RUNX1: variants seen among roughly 807,000 people sequenced by gnomAD.
RUNX1 encodes the protein RUNX family transcription factor 1.
A neutral mutation model predicts 42.8 loss-of-function variants in RUNX1; 19 were observed. That is an observed-to-expected ratio of 0.44 (90% CI 0.31 to 0.65). The LOEUF (loss-of-function observed/expected upper bound fraction) is 0.65, where lower values mean the gene tolerates loss of function less well. Among genes scored for constraint, RUNX1 ranks in the 30% least tolerant of loss-of-function variants. The pLI, the probability that RUNX1 is intolerant of heterozygous loss-of-function variation, is 0.07. For synonymous variants in RUNX1, 271 were observed against 289.4 expected (o/e 0.94, Z 0.64); for missense variants, 528 against 672.0 (o/e 0.79, Z 2.37).
At chr21:34,858,326 T>G (rs978854866) in intron 6 of RUNX1, among the ~76,000 whole-genome samples, 1 of 152,182 alleles carries the variant, frequency 6.6e-6, no homozygotes, top group African/African-American at 2.4e-5. Flanking sequence ...TAGAGGGGAC[T>G]GGAGCAGTAG....
In RUNX1 at chr21:34,791,725, T is replaced by C; in HGVS notation, c.*410A>G. The C allele has an allele frequency of 4.3e-6, 1 of 230,178 alleles. No homozygotes were observed. Among genetic ancestry groups the C allele is most frequent in the East Asian group, 6.2e-5 (1 of 16,224 alleles). 14.3% of individuals were successfully genotyped at this position (230,178 alleles called of 1,614,324 possible). A position where few individuals can be genotyped will look rare whatever the true frequency, so the allele number is the denominator to read the frequency against. The stretch of plus-strand genomic sequence containing the variant: ...ACCCCAACCAAAATTCCACACTCTT[T>C]GGAATAAACAACTTGGTTAAAAAGT... On this transcript the variant is annotated 3_prime_UTR_variant, in exon 9 of 9. Transcript: ENST00000675419.
intron 5 of RUNX1, among the ~76,000 whole-genome samples, chr21:34,862,309 G>A (rs2057588604): frequency 6.6e-6 from 1 of 152,194 alleles, no homozygotes; most frequent in Non-Finnish European, 1.5e-5. Context: ...GGCCTGAGAT[G>A]CCCATAGCCA....
rs1019895924 is a variant in RUNX1 at position 34,959,106 on chromosome 21, C to T, written c.59-66143G>A. Reference sequence around the variant, plus strand: ...AGGAGATATACCTAATGCTAAATGACGAGTTAATGGGTGCAGCACACCAGC... The same window carrying T: ...AGGAGATATACCTAATGCTAAATGATGAGTTAATGGGTGCAGCACACCAGC... On this transcript the variant is annotated intron_variant, in intron 2 of 8. Transcript: ENST00000675419. Among the ~76,000 whole-genome samples the T allele has an allele frequency of 5.3e-5, 8 of 151,210 alleles. No individual in the cohort carries two copies. The East Asian group carries it at 9.7e-4, about 18-fold the overall frequency.
chr21:34,967,839 G>T (rs571896384), intron 2 of RUNX1, among the ~76,000 whole-genome samples: 1 of 152,310 alleles, frequency 6.6e-6, no homozygotes, highest in African/African-American at 2.4e-5. Flanking sequence ...CGAAGGGAGT[G>T]GCAATTCATA....
intron 2 of RUNX1, among the ~76,000 whole-genome samples, chr21:34,927,291 C>A (rs1202199134): frequency 1.3e-5 from 2 of 152,138 alleles, no homozygotes; most frequent in Admixed American, 1.3e-4. Flanking sequence ...TTGCCACACT[C>A]CACGTAACAC....
intron 2 of RUNX1, among the ~76,000 whole-genome samples, chr21:35,036,023 C>A (rs1662897801): frequency 6.6e-6 from 1 of 152,130 alleles, no homozygotes; most frequent in African/African-American, 2.4e-5. Context: ...TCAGGAAGAA[C>A]CCAAGTTGGG....
chr21:34,911,160 G>T (rs190345285), intron 2 of RUNX1, among the ~76,000 whole-genome samples: 2 of 152,292 alleles, frequency 1.3e-5, no homozygotes, highest in Admixed American at 6.5e-5. Context: ...GTGGGAAGGG[G>T]TCTCTTCCTG....
intron 3 of RUNX1, 153 bp from the exon 4 acceptor site, chr21:34,887,249 G>GGGGGGGGGGA: frequency 1.5e-6 from 1 of 651,050 alleles, no homozygotes; most frequent in African/African-American, 2.0e-5. Flanking sequence ...GGGTGGGGGG[G>GGGGGGGGGGA]GGCGGGGGTG....
chr21:34,983,906 G>T (rs2058865707), intron 2 of RUNX1, among the ~76,000 whole-genome samples: 1 of 152,190 alleles, frequency 6.6e-6, no homozygotes, highest in African/African-American at 2.4e-5. Flanking sequence ...TGACTCAGGG[G>T]CCAATGGTGC....
At chr21:35,014,907 G>A (rs1037566264) in intron 2 of RUNX1, among the ~76,000 whole-genome samples, 6 of 152,246 alleles carry the variant, frequency 3.9e-5, no homozygotes, top group Admixed American at 6.5e-5. Context: ...TCTGATCAGA[G>A]CCTGGTCTTC....
In RUNX1 at chr21:34,907,577, G is replaced by T. The variant is rs1289717243; in HGVS notation, c.59-14614C>A. On this transcript the variant is annotated intron_variant, in intron 2 of 8. Coordinates refer to ENST00000675419, the MANE Select transcript of RUNX1 (RefSeq NM_001754.5). The surrounding 1 kb of genome is among the most constrained non-coding windows in gnomAD (Gnocchi z 5.3). The stretch of plus-strand genomic sequence containing the variant: ...GTCTTATTTTCTTAGTACTCAATTT[G>T]TTACTTGACTTGGTGTTTGGCTCCC... Among the ~76,000 whole-genome samples, 2 of 152,062 alleles carry T rather than the reference G, an allele frequency of 1.3e-5. No homozygotes were observed. The highest frequency in any genetic ancestry group is 2.9e-5 in the Non-Finnish European group (2 of 68,016).
intron 7 of RUNX1, 137 bp downstream of exon 7, chr21:34,834,273 C>T (rs1394572912): frequency 1.1e-6 from 1 of 870,536 alleles, no homozygotes; most frequent in Non-Finnish European, 1.9e-6. Flanking sequence ...CCAGGTGGTG[C>T]TGTTGGTTCG....
chr21:35,041,580 AAG>A (rs2059359384), intron 2 of RUNX1, among the ~76,000 whole-genome samples: 2 of 152,252 alleles, frequency 1.3e-5, no homozygotes, highest in Non-Finnish European at 2.9e-5. Context: ...GCAAAACAAA[AAG>A]AAATTTCTAA....
At chr21:34,848,163 T>C (rs961323528) in intron 6 of RUNX1, among the ~76,000 whole-genome samples, 1 of 152,218 alleles carries the variant, frequency 6.6e-6, no homozygotes, top group Non-Finnish European at 1.5e-5. Flanking sequence ...CAGAGGGATA[T>C]CATACTCCTG....
At chr21:35,018,555 A>G (rs182596593) in intron 2 of RUNX1, among the ~76,000 whole-genome samples, 30 of 152,308 alleles carry the variant, frequency 2.0e-4, no homozygotes, top group African/African-American at 7.0e-4. Flanking sequence ...TTCATAAGAA[A>G]TCTTTCCTCT....
At chr21:34,971,236 T>C (rs932966989) in intron 2 of RUNX1, among the ~76,000 whole-genome samples, 15 of 152,316 alleles carry the variant, frequency 9.8e-5, no homozygotes, top group Middle Eastern at 3.4e-3. Flanking sequence ...GAAGATTTTA[T>C]GAGGACACAC....
In RUNX1 at chr21:34,999,272, A is replaced by G. The variant is rs538927144; in HGVS notation, c.58+49570T>C. Among the ~76,000 whole-genome samples, 86 of 152,380 alleles carry G rather than the reference A, an allele frequency of 5.6e-4. No individual in the cohort carries two copies. In the South Asian group the frequency reaches 0.017, roughly 30 times the overall value. ...GCCGTGGCTCCAGGCCTGCCCCAGC[A>G]TAACACGTTGTTAGCATATGTTAAC... On this transcript the variant is annotated intron_variant, in intron 2 of 8. Coordinates refer to ENST00000675419, the MANE Select transcript of RUNX1 (RefSeq NM_001754.5).
At chr21:34,922,917 T>G (rs987166517) in intron 2 of RUNX1, among the ~76,000 whole-genome samples, 6 of 152,232 alleles carry the variant, frequency 3.9e-5, no homozygotes, top group African/African-American at 9.6e-5. Flanking sequence ...TCTAAGTACT[T>G]CACCTTCATT....
At chr21:34,900,904 G>A (rs1051151763) in intron 2 of RUNX1, among the ~76,000 whole-genome samples, 1 of 152,066 alleles carries the variant, frequency 6.6e-6, no homozygotes, top group African/African-American at 2.4e-5. Context: ...TTGGTTAAAC[G>A]ATACTCACTC....
Sources: gnomAD v4.1 joint callset for allele counts (sites outside exome capture counted in the v4.1 genomes callset) on GRCh38, gnomAD v4.1.1 for gene constraint, Gnocchi (gnomAD v3.1) non-coding constraint, MANE v1.5 for transcripts, NCBI Gene and HGNC (gene_info 2026-07-23, HGNC 2026-07-21) for gene names.